LRRIQ3: variants seen among roughly 807,000 people sequenced by gnomAD.
LRRIQ3 encodes the protein leucine rich repeats and IQ motif containing 3.
Under a neutral mutation model 59.3 loss-of-function variants are expected in LRRIQ3, and 75 were observed. That is an observed-to-expected ratio of 1.26 (90% CI 1.05 to 1.53). The LOEUF is 1.53. LRRIQ3 is among the 40% of genes most tolerant of loss of function. LRRIQ3 has a pLI of 0.00. For synonymous variants in LRRIQ3, 250 were observed against 231.3 expected (o/e 1.08, Z -0.73); for missense variants, 831 against 710.0 (o/e 1.17, Z -1.94).
chr1:74,128,713 T>C (rs1348644355), intron 4 of LRRIQ3, among the ~76,000 whole-genome samples: 3 of 152,142 alleles, frequency 2.0e-5, no homozygotes, highest in Middle Eastern at 3.4e-3. Context: ...CTCTTTGCAG[T>C]CTGAGGTTGT....
chr1:74,108,014 A>G (rs1011875686), intron 5 of LRRIQ3, among the ~76,000 whole-genome samples: 1 of 151,806 alleles, frequency 6.6e-6, no homozygotes, highest in Non-Finnish European at 1.5e-5. Flanking sequence ...TACATTTTAT[A>G]TAACTTTATA....
chr1:74,194,669 C>G (rs1044266002), intron 1 of LRRIQ3, among the ~76,000 whole-genome samples: 19 of 152,048 alleles, frequency 1.2e-4, no homozygotes, highest in African/African-American at 4.6e-4. Flanking sequence ...ATTAAACAGC[C>G]AAAATTAATA....
intron 3 of LRRIQ3, among the ~76,000 whole-genome samples, chr1:74,178,059 C>T (rs1267325032): frequency 6.6e-6 from 1 of 151,744 alleles, no homozygotes; most frequent in Non-Finnish European, 1.5e-5. Flanking sequence ...CCTATCTATG[C>T]CATTTAATGC....
At chr1:74,180,642 C>T (rs1649919398) in intron 3 of LRRIQ3, 2 of 1,373,642 alleles carry the variant, frequency 1.5e-6, no homozygotes, top group Non-Finnish European at 2.0e-6. Flanking sequence ...GTGAAAAGTA[C>T]ACTCAAATCT....
intron 5 of LRRIQ3, among the ~76,000 whole-genome samples, chr1:74,103,330 G>C (rs1040021870): frequency 1.3e-5 from 2 of 151,820 alleles, no homozygotes; most frequent in East Asian, 3.9e-4. Context: ...ACAGTGCCTG[G>C]AATATTGTAA....
chr1:74,143,080 A>G (rs1196969636), intron 4 of LRRIQ3, among the ~76,000 whole-genome samples: 1 of 152,012 alleles, frequency 6.6e-6, no homozygotes, highest in Admixed American at 6.6e-5. Flanking sequence ...CTGAGTTTCA[A>G]ATGAGTCAAA....
Position 74,195,964 on chromosome 1 carries a change from C to T in LRRIQ3, c.-1+2032G>A, listed in dbSNP as rs540730478. Among the ~76,000 whole-genome samples the T allele has an allele frequency of 6.5e-4, 99 of 151,788 alleles. 1 individual carries two copies. In the South Asian group the frequency reaches 8.3e-3, roughly 13 times the overall value. ...TTTTGCCTCCAACAATCAACTGCCACGGAAATTTACTCCTACTCATATATA... is the reference window on the plus strand; with the variant it reads ...TTTTGCCTCCAACAATCAACTGCCATGGAAATTTACTCCTACTCATATATA... On this transcript the variant is annotated intron_variant, in intron 1 of 7. Coordinates refer to ENST00000354431, the MANE Select transcript of LRRIQ3 (RefSeq NM_001105659.2).
At chr1:74,063,620 CTCTT>C (rs1358415825) in intron 6 of LRRIQ3, among the ~76,000 whole-genome samples, 1 of 152,000 alleles carries the variant, frequency 6.6e-6, no homozygotes, top group Non-Finnish European at 1.5e-5. Context: ...AAAGTGTTGA[CTCTT>C]TCATTATTGT....
intron 5 of LRRIQ3, chr1:74,083,422 T>C (rs1646293573): frequency 1.3e-5 from 2 of 150,550 alleles, no homozygotes; most frequent in South Asian, 4.2e-4. Context: ...TTTTAAGTTC[T>C]TAAGCAATTA....
intron 3 of LRRIQ3, among the ~76,000 whole-genome samples, chr1:74,162,459 G>A (rs999429842): frequency 4.0e-5 from 6 of 151,680 alleles, no homozygotes; most frequent in Admixed American, 2.0e-4. Flanking sequence ...TCTATACTAC[G>A]TGCCTGAAAT....
chr1:74,163,838 C>A lies in LRRIQ3; in HGVS notation c.574-7972G>T, dbSNP rs148588699. 3.0e-3 allele frequency among the ~76,000 whole-genome samples: 448 copies of A among 151,542 alleles called. 1 individual carries two copies. The highest frequency in any genetic ancestry group is 0.01 in the African/African-American group (420 of 41,460). On this transcript the variant is annotated intron_variant, in intron 3 of 7. Coordinates refer to ENST00000354431, the MANE Select transcript of LRRIQ3 (RefSeq NM_001105659.2). ...TAGTTTTTTCAGAAAATGTCAAAAT[C>A]TTTTCCAGAGTGGCTGTACTATTTT...
intron 5 of LRRIQ3, among the ~76,000 whole-genome samples, chr1:74,095,800 G>A (rs1177641189): frequency 6.6e-6 from 1 of 151,918 alleles, no homozygotes; most frequent in Admixed American, 6.6e-5. Flanking sequence ...TAATCTAAGT[G>A]TTACTTTACA....
intron 4 of LRRIQ3, among the ~76,000 whole-genome samples, chr1:74,142,142 A>C (rs545465819): frequency 2.0e-5 from 3 of 151,954 alleles, no homozygotes; most frequent in Non-Finnish European, 2.9e-5. Context: ...TGGTGATTTC[A>C]TTTCCTTTGA....
In LRRIQ3 at chr1:74,182,711, C is replaced by T. The variant is rs1248188207; in HGVS notation, c.400G>A (p.Val134Ile). Residue 134 changes from valine (V) to isoleucine (I), a missense_variant, in exon 3 of 8, where the codon GTA becomes ATA. By Grantham distance (29) the Val-to-Ile change is conservative (BLOSUM62 3). Transcript: ENST00000354431. Reference sequence around the variant, plus strand: ...TGTCTATATCCTTTTTTAAGGCTTACTGGACAATCAAACATAGTGAGGGCA... The same window carrying T: ...TGTCTATATCCTTTTTTAAGGCTTATTGGACAATCAAACATAGTGAGGGCA... The part of the protein sequence containing the change: ...LIALTMFDCP[V>I]SLKKGYRHVL... The T allele has an allele frequency of 1.2e-6, 2 of 1,612,638 alleles. No individual in the cohort carries two copies. The highest frequency in any genetic ancestry group is 1.7e-6 in the Non-Finnish European group (2 of 1,179,014).
At chr1:74,158,720 T>G (rs1648489878) in intron 3 of LRRIQ3, among the ~76,000 whole-genome samples, 1 of 152,252 alleles carries the variant, frequency 6.6e-6, no homozygotes, top group Middle Eastern at 3.4e-3. Flanking sequence ...AATGGCTTAC[T>G]GAAAAGAAGC....
chr1:74,057,099 A>C (rs1438764574), intron 6 of LRRIQ3, among the ~76,000 whole-genome samples: 1 of 152,142 alleles, frequency 6.6e-6, no homozygotes, highest in African/African-American at 2.4e-5. Flanking sequence ...TAGATTACCC[A>C]GTTTCAGGTA....
chr1:74,085,337 A>T (rs757552701), intron 5 of LRRIQ3, among the ~76,000 whole-genome samples: 1,887 of 151,452 alleles, frequency 0.012, 22 homozygotes, highest in Non-Finnish European at 0.018. Flanking sequence ...AAAAAAAAAA[A>T]AAATAAAACA....
intron 3 of LRRIQ3, among the ~76,000 whole-genome samples, chr1:74,160,881 C>A (rs1219261858): frequency 1.3e-5 from 2 of 151,996 alleles, no homozygotes; most frequent in Non-Finnish European, 2.9e-5. Context: ...GAGGGTTTTG[C>A]AGAATTTCCT....
intron 1 of LRRIQ3, among the ~76,000 whole-genome samples, chr1:74,192,760 C>G (rs962283008): frequency 9.2e-5 from 14 of 152,024 alleles, no homozygotes; most frequent in Non-Finnish European, 1.6e-4. Context: ...TAATAAATTA[C>G]AGAAAAAACT....
Sources: gnomAD v4.1 joint callset for allele counts (sites outside exome capture counted in the v4.1 genomes callset) on GRCh38, gnomAD v4.1.1 for gene constraint, MANE v1.5 for transcripts, NCBI Gene and HGNC (gene_info 2026-07-23, HGNC 2026-07-21) for gene names.